SCN4A: variants seen among roughly 807,000 people sequenced by gnomAD.
The protein encoded by SCN4A is sodium channel protein type 4 subunit alpha.
In SCN4A, 83 loss-of-function variants were observed where a neutral mutation model predicts 162.0. That is an observed-to-expected ratio of 0.51 (90% confidence interval 0.43 to 0.61). The LOEUF (loss-of-function observed/expected upper bound fraction) is 0.61. Among genes scored for constraint, SCN4A ranks in the 20% least tolerant of loss-of-function variants. SCN4A has a pLI of 0.00. For missense variants in SCN4A, 2,196 were observed against 2,462.5 expected (o/e 0.89, Z 2.29); for synonymous variants, 944 against 985.1 (o/e 0.96, Z 0.78).
At chr17:63,942,733 G>A in intron 23 of SCN4A, 93 bp downstream of exon 23, 1 of 1,297,670 alleles carries the variant, frequency 7.7e-7, no homozygotes, top group East Asian at 2.5e-5. Flanking sequence ...GTGAGCGTGT[G>A]AGGGTGCAGG....
intron 8 of SCN4A, among the ~76,000 whole-genome samples, chr17:63,965,089 G>C (rs1856447008): frequency 6.6e-6 from 1 of 152,174 alleles, no homozygotes; most frequent in African/African-American, 2.4e-5. Context: ...CTGTTGCCCA[G>C]GCTGGAGTGC....
chr17:63,948,015 G>A lies in SCN4A; in HGVS notation c.3193C>T (p.Leu1065=). 1 of 1,613,594 alleles carries A rather than the reference G, an allele frequency of 6.2e-7. No homozygotes were observed. Among genetic ancestry groups the A allele is most frequent in the Non-Finnish European group, 8.5e-7 (1 of 1,179,582 alleles). ...GTGAAGACCTTGTCGGCATATTCTA[G>A]GATGGTGCGAATGACTCGCCGCTGC... ...IEQRRVIRTI[L]EYADKVFTYI... Residue 1065 remains leucine, a synonymous_variant, in exon 17 of 24, where the codon CTA becomes TTA. Coordinates refer to ENST00000435607, the MANE Select transcript of SCN4A (RefSeq NM_000334.4).
Position 63,972,729 on chromosome 17 carries a change from C to T in SCN4A, c.113G>A (p.Arg38Gln), listed in dbSNP as rs772546656. The stretch of plus-strand genomic sequence containing the variant: ...CTCCATCTGCTTATTCCGCTGCAGC[C>T]GGGCCTCCTCCTCCACCGCCCGCTG... Reference protein sequence around the residue: ...IEQRAVEEEARLQRNKQMEIE... With the variant: ...IEQRAVEEEAQLQRNKQMEIE... Residue 38 changes from arginine (R) to glutamine (Q), a missense_variant, in exon 1 of 24, where the codon CGG becomes CAG. Arg to Gln is a conservative substitution (Grantham distance 43, BLOSUM62 1). Coordinates refer to ENST00000435607, the MANE Select transcript of SCN4A (RefSeq NM_000334.4). The surrounding 1 kb of genome is among the most constrained non-coding windows in gnomAD (Gnocchi z 4.3). The T allele has an allele frequency of 2.7e-5, 43 of 1,613,652 alleles. 1 individual carries two copies. The Middle Eastern group carries it at 6.6e-4, about 25-fold the overall frequency.
chr17:63,969,183 T>G (rs1018938347), intron 5 of SCN4A, among the ~76,000 whole-genome samples: 4 of 152,308 alleles, frequency 2.6e-5, no homozygotes, highest in African/African-American at 7.2e-5. Context: ...CTTAACATAT[T>G]TGACCACAGA....
At chr17:63,961,921 C>T (rs1272616236) in intron 10 of SCN4A, among the ~76,000 whole-genome samples, 5 of 147,504 alleles carry the variant, frequency 3.4e-5, no homozygotes, top group Non-Finnish European at 5.9e-5. Flanking sequence ...TCCTCATGTC[C>T]GTCCCCTCTA....
Position 63,966,172 on chromosome 17 carries a change from G to T in SCN4A, c.1172C>A (p.Thr391Asn), listed in dbSNP as rs1321029357. 3.1e-6 allele frequency: 5 copies of T among 1,597,006 alleles called. No homozygotes were observed. The highest frequency in any genetic ancestry group is 4.3e-6 in the Non-Finnish European group (5 of 1,171,846). ...NPNYGYTSYDTFSWAFLALFR... is the reference protein window; with the variant it reads ...NPNYGYTSYDNFSWAFLALFR... ...GAGAGCCAAGAAGGCCCAGCTGAAG[G>T]TGTCATAGCTGGTGTAGCCATAGTT... The change falls in exon 8 of 24, where the codon ACC becomes AAC. Residue 391 changes from threonine (T) to asparagine (N), a missense_variant. Thr to Asn is a moderately conservative substitution (Grantham distance 65, BLOSUM62 0). Coordinates refer to ENST00000435607, the MANE Select transcript of SCN4A (RefSeq NM_000334.4).
intron 10 of SCN4A, among the ~76,000 whole-genome samples, chr17:63,962,427 C>A (rs573203213): frequency 6.6e-6 from 1 of 152,326 alleles, no homozygotes; most frequent in South Asian, 2.1e-4. Context: ...TGGGACAAAG[C>A]TGTTCCTCCT....
rs980818623 is a variant in SCN4A at position 63,949,417 on chromosome 17, G to C, written c.2965C>G (p.Gln989Glu). The change falls in exon 15 of 24, where the codon CAG (glutamine) becomes GAG (glutamate). Residue 989 changes from glutamine to glutamate, a missense_variant. Transcript: ENST00000435607. Reference sequence around the variant, plus strand: ...CCCTCAGTGAAGCACTCCTCAGGCTGCTCCCCCTCGGGGTTCTCCTCTGCC... The same window carrying C: ...CCCTCAGTGAAGCACTCCTCAGGCTCCTCCCCCTCGGGGTTCTCCTCTGCC... ...EQAEENPEGE[Q>E]PEECFTEACV... The C allele has an allele frequency of 1.3e-5, 21 of 1,589,862 alleles. No individual in the cohort carries two copies. Among genetic ancestry groups the C allele is most frequent in the Non-Finnish European group, 1.7e-5 (20 of 1,167,530 alleles).
rs779993103 is a variant in SCN4A at position 63,972,520 on chromosome 17, CAGAT to C, written c.273+45_273+48del. On this transcript the variant is annotated intron_variant, in intron 1 of 23. Transcript: ENST00000435607. The surrounding 1 kb of genome is among the most constrained non-coding windows in gnomAD (Gnocchi z 4.3). ...ACCCAGGGACAGACAGACAGGCAGA[CAGAT>C]GGATGGATGGCAGACAGACAGAGGA... 31 of 1,604,370 alleles carry C rather than the reference CAGAT, an allele frequency of 1.9e-5. No homozygotes were observed. In the African/African-American group the frequency reaches 2.1e-4, roughly 11 times the overall value.
chr17:63,941,990 A>G lies in SCN4A; in HGVS notation c.4292T>C (p.Leu1431Pro), dbSNP rs1443936396. ...CTTCTGGATCAGGTCAGAGAGGGCA[A>G]GGCCTGCGGGGAGAAGCTAGTGAGG... ...FVVVILSIVGLALSDLIQKYF... is the reference protein window; with the variant it reads ...FVVVILSIVGPALSDLIQKYF... The change falls in exon 24 of 24, where the codon CTT becomes CCT. Residue 1431 changes from leucine to proline, a missense_variant. Transcript: ENST00000435607. This position sits in a 1 kb window ranked among gnomAD's most constrained non-coding sequence, Gnocchi z 6.2. 3 of 1,564,478 alleles carry G rather than the reference A, an allele frequency of 1.9e-6. No homozygotes were observed. In the African/African-American group the frequency reaches 4.1e-5, roughly 21 times the overall value.
rs1432660072 is a variant in SCN4A, at chr17:63,963,657, G to A, written c.1606+15C>T. 3.2e-6 allele frequency: 5 copies of A among 1,550,306 alleles called. No homozygotes were observed. Among genetic ancestry groups the A allele is most frequent in the East Asian group, 2.3e-5 (1 of 42,670 alleles). ...CACCCCTACCTAAGTGGGCACGGGG[G>A]CACAAGGCACTCACCTTCCATGGCG... is the stretch of plus-strand genomic sequence containing the variant. On this transcript the variant is annotated intron_variant, in intron 10 of 23. Coordinates refer to ENST00000435607, the MANE Select transcript of SCN4A (RefSeq NM_000334.4).
intron 8 of SCN4A, among the ~76,000 whole-genome samples, chr17:63,964,952 A>G (rs1317565842): frequency 6.6e-6 from 1 of 152,250 alleles, no homozygotes; most frequent in Admixed American, 6.5e-5. Flanking sequence ...ATTGGTGAAC[A>G]TGGGTTTGGG....
chr17:63,968,293 G>A lies in SCN4A; in HGVS notation c.766C>T (p.Leu256Phe), dbSNP rs764694733. 6 of 1,611,948 alleles carry A rather than the reference G, an allele frequency of 3.7e-6. No individual in the cohort carries two copies. In the Admixed American group the frequency reaches 1.0e-4, roughly 27 times the overall value. Reference sequence around the variant, plus strand: ...AAGACGCTCAGGCAGAAGACAGTGAGGATCATCACATCCGACAGCTTTTTC... The same window carrying A: ...AAGACGCTCAGGCAGAAGACAGTGAAGATCATCACATCCGACAGCTTTTTC... ...SVKKLSDVMI[L>F]TVFCLSVFAL... Residue 256 changes from leucine (L) to phenylalanine (F), a missense_variant, in exon 6 of 24, where the codon CTC becomes TTC. By Grantham distance (22) the Leu-to-Phe change is conservative (BLOSUM62 0). Coordinates refer to ENST00000435607, the MANE Select transcript of SCN4A (RefSeq NM_000334.4).
chr17:63,972,789 C>T lies in SCN4A; in HGVS notation c.53G>A (p.Arg18His), dbSNP rs557359808. ...TLVPLGPECL[R>H]PFTRESLAAI... ...TGCCAGTGACTCCCGGGTGAAGGGG[C>T]GCAAGCACTCAGGGCCCAGAGGCAC... The change falls in exon 1 of 24, where the codon CGC (arginine) becomes CAC (histidine). Residue 18 changes from arginine (R) to histidine (H), a missense_variant. Coordinates refer to ENST00000435607, the MANE Select transcript of SCN4A (RefSeq NM_000334.4). This position sits in a 1 kb window ranked among gnomAD's most constrained non-coding sequence, Gnocchi z 4.3. The T allele has an allele frequency of 1.8e-5, 29 of 1,613,614 alleles. No homozygotes were observed. The highest frequency in any genetic ancestry group is 7.7e-5 in the South Asian group (7 of 91,032).
In SCN4A at chr17:63,972,232, C is replaced by T; in HGVS notation, c.393-7G>A. 1 of 1,612,572 alleles carries T rather than the reference C, an allele frequency of 6.2e-7. No individual in the cohort carries two copies. The highest frequency in any genetic ancestry group is 1.3e-5 in the African/African-American group (1 of 74,988). On this transcript the variant is annotated splice_polypyrimidine_tract_variant and splice_region_variant and intron_variant, in intron 2 of 23. Coordinates refer to ENST00000435607, the MANE Select transcript of SCN4A (RefSeq NM_000334.4). This position sits in a 1 kb window ranked among gnomAD's most constrained non-coding sequence, Gnocchi z 4.3. ...GATGAACATGCTGAACAGCGTGGGG[C>T]AGGGTCAAGGAAAGTGAGGAAGCAG...
intron 10 of SCN4A, among the ~76,000 whole-genome samples, chr17:63,961,937 C>T (rs1319446489): frequency 2.0e-5 from 3 of 151,234 alleles, no homozygotes; most frequent in African/African-American, 7.3e-5. Context: ...CTCTAAACCC[C>T]GCCCACATTC....
chr17:63,945,644 GGCCAGGGGGTCCATT>G lies in SCN4A; in HGVS notation c.3442-21_3442-7del. ...AGGAGGGCGTTCACCACCACCTGGGGGCCAGGGGGTCCATTGCCAGTGCCTCTCCCAGCCTCTGAG... is the reference window on the plus strand; with the variant it reads ...AGGAGGGCGTTCACCACCACCTGGGGGCCAGTGCCTCTCCCAGCCTCTGAG... On this transcript the variant is annotated splice_polypyrimidine_tract_variant and splice_region_variant and intron_variant, in intron 18 of 23. Transcript: ENST00000435607. This position sits in a 1 kb window ranked among gnomAD's most constrained non-coding sequence, Gnocchi z 4.4. 1 of 1,613,624 alleles carries G rather than the reference GGCCAGGGGGTCCATT, an allele frequency of 6.2e-7. No individual in the cohort carries two copies.
Position 63,963,840 on chromosome 17 carries a change from G to A in SCN4A, c.1453-15C>T, listed in dbSNP as rs1909349733. 6.3e-7 allele frequency: 1 copy of A among 1,588,296 alleles called. No homozygotes were observed. Among genetic ancestry groups the A allele is most frequent in the Non-Finnish European group, 8.6e-7 (1 of 1,167,452 alleles). On this transcript the variant is annotated splice_polypyrimidine_tract_variant and intron_variant, in intron 9 of 23. Transcript: ENST00000435607. ...GCGGCCTTGGCCTGTAGACCAGCAA[G>A]AGTGACTGGCAGGAAGTCCAGCTCT...
At chr17:63,943,123 G>A in intron 22 of SCN4A, 27 bp from the exon 23 acceptor site, 2 of 1,596,746 alleles carry the variant, frequency 1.3e-6, no homozygotes, top group South Asian at 2.2e-5. Context: ...AGTGGATGTG[G>A]AGGAGTTGGG....
Sources: gnomAD v4.1 joint callset for allele counts (sites outside exome capture counted in the v4.1 genomes callset) on GRCh38, gnomAD v4.1.1 for gene constraint, Gnocchi (gnomAD v3.1) non-coding constraint, MANE v1.5 for transcripts, NCBI Gene and HGNC (gene_info 2026-07-23, HGNC 2026-07-21) for gene names.